The following EPHA6 variants were observed in gnomAD, a reference collection of about 807,000 sequenced individuals.
EPHA6 encodes ephrin type-A receptor 6.
A neutral mutation model predicts 112.0 loss-of-function variants in EPHA6; 50 were observed. The ratio of observed to expected loss-of-function variants is 0.45; its 90% CI spans 0.36 to 0.56. EPHA6 has a LOEUF of 0.56. EPHA6 is among the 20% of genes least tolerant of loss of function. The probability of loss-of-function intolerance (pLI) is 0.00; values close to 1 mark genes in which losing one functional copy is unlikely to be tolerated. For synonymous variants in EPHA6, 529 were observed against 490.7 expected (o/e 1.08, Z -1.03); for missense variants, 1,280 against 1,417.4 (o/e 0.90, Z 1.56).
chr3:97,244,161 GTGATAGTACT>G lies in EPHA6; in HGVS notation c.1484_1493del (p.Ile495ThrfsTer6). On this transcript the variant is annotated frameshift_variant, in exon 5 of 18. Transcript: ENST00000389672. LOFTEE classifies it high-confidence loss of function. ...ACATACAGGCCTGATCAACAATTCC[GTGATAGTACT>G]TGACTTTGTGTCTCACGTGAATTAC... 1 of 1,613,114 alleles carries G rather than the reference GTGATAGTACT, an allele frequency of 6.2e-7. No individual in the cohort carries two copies. The highest frequency in any genetic ancestry group is 8.5e-7 in the Non-Finnish European group (1 of 1,179,368).
chr3:96,872,998 T>G (rs1409076385), intron 2 of EPHA6, among the ~76,000 whole-genome samples: 1 of 152,082 alleles, frequency 6.6e-6, no homozygotes, highest in Non-Finnish European at 1.5e-5. Context: ...CATAAACTGT[T>G]GGGTTTCTGC....
intron 12 of EPHA6, among the ~76,000 whole-genome samples, chr3:97,599,893 C>G (rs1187843521): frequency 6.6e-6 from 1 of 152,132 alleles, no homozygotes; most frequent in African/African-American, 2.4e-5. Flanking sequence ...TTCTTCCTAC[C>G]CATGAGCATG....
chr3:97,653,937 T>A (rs1363626074), intron 14 of EPHA6, among the ~76,000 whole-genome samples: 1 of 151,822 alleles, frequency 6.6e-6, no homozygotes, highest in Non-Finnish European at 1.5e-5. Flanking sequence ...GAATCTAAAA[T>A]AGTCTCATAG....
intron 3 of EPHA6, among the ~76,000 whole-genome samples, chr3:97,179,751 C>T (rs2076936609): frequency 6.6e-6 from 1 of 151,210 alleles, no homozygotes; most frequent in Non-Finnish European, 1.5e-5. Context: ...CTCTCTCTCT[C>T]TCTCTCTCTC....
intron 1 of EPHA6, among the ~76,000 whole-genome samples, chr3:96,830,977 A>G (rs1396181994): frequency 6.6e-6 from 1 of 151,874 alleles, no homozygotes; most frequent in African/African-American, 2.4e-5. Flanking sequence ...TTTTATATGT[A>G]TATATATACA....
At chr3:96,988,402 A>G (rs1405078721) in intron 3 of EPHA6, among the ~76,000 whole-genome samples, 5 of 152,168 alleles carry the variant, frequency 3.3e-5, no homozygotes, top group Non-Finnish European at 5.9e-5. Flanking sequence ...TTTATAAAGG[A>G]AAGCAGCATC....
At chr3:97,687,023 G>A (rs2032302137) in intron 14 of EPHA6, among the ~76,000 whole-genome samples, 1 of 152,156 alleles carries the variant, frequency 6.6e-6, no homozygotes, top group South Asian at 2.1e-4. Flanking sequence ...CACCTGCAAT[G>A]ATTTGTGTGT....
intron 5 of EPHA6, among the ~76,000 whole-genome samples, chr3:97,304,981 A>G (rs545233931): frequency 3.9e-5 from 6 of 152,210 alleles, no homozygotes; most frequent in African/African-American, 9.6e-5. Context: ...AATTTTTGCA[A>G]TCTATCCATC....
chr3:97,640,255 G>GAAGAAGAAAGAAAA (rs2093989080), intron 14 of EPHA6, among the ~76,000 whole-genome samples: 1 of 152,074 alleles, frequency 6.6e-6, no homozygotes, highest in Admixed American at 6.6e-5. Flanking sequence ...TCCAGATGGA[G>GAAGAAGAAAGAAAA]AAGAAGAAAG....
chr3:97,123,857 C>G (rs2048109563), intron 3 of EPHA6, among the ~76,000 whole-genome samples: 1 of 151,870 alleles, frequency 6.6e-6, no homozygotes, highest in East Asian at 1.9e-4. Context: ...GCTTCCTGTT[C>G]CTGAGAGTTG....
At chr3:97,166,498 A>G (rs1296613463) in intron 3 of EPHA6, among the ~76,000 whole-genome samples, 1 of 152,196 alleles carries the variant, frequency 6.6e-6, no homozygotes, top group Non-Finnish European at 1.5e-5. Context: ...TCAAATTAAA[A>G]TAGAAATTAA....
intron 2 of EPHA6, among the ~76,000 whole-genome samples, chr3:96,908,476 A>G (rs919504851): frequency 1.3e-4 from 19 of 151,888 alleles, no homozygotes; most frequent in African/African-American, 4.6e-4. Context: ...TTTATGTCAT[A>G]TACTTCTCAT....
chr3:97,348,559 A>G (rs2083648178), intron 5 of EPHA6, among the ~76,000 whole-genome samples: 1 of 151,972 alleles, frequency 6.6e-6, no homozygotes, highest in Non-Finnish European at 1.5e-5. Context: ...GTAATTTATT[A>G]CTATCATATT....
chr3:97,236,546 G>C (rs1291382971), intron 4 of EPHA6, among the ~76,000 whole-genome samples: 3 of 152,022 alleles, frequency 2.0e-5, no homozygotes, highest in Non-Finnish European at 4.4e-5. Flanking sequence ...ATACACATGG[G>C]TAAATTCTAA....
At chr3:97,041,923 A>G (rs1005476016) in intron 3 of EPHA6, among the ~76,000 whole-genome samples, 8 of 152,066 alleles carry the variant, frequency 5.3e-5, no homozygotes, top group African/African-American at 1.7e-4. Flanking sequence ...CAACACTACA[A>G]ATTACAATTC....
chr3:97,457,442 C>T (rs1405348850), intron 7 of EPHA6, among the ~76,000 whole-genome samples: 1 of 151,520 alleles, frequency 6.6e-6, no homozygotes, highest in African/African-American at 2.4e-5. Context: ...CGTTATTTTT[C>T]AGAGCTGAAA....
chr3:97,230,798 G>T (rs1202733418), intron 4 of EPHA6, among the ~76,000 whole-genome samples: 2 of 152,128 alleles, frequency 1.3e-5, no homozygotes, highest in African/African-American at 4.8e-5. Flanking sequence ...GTTTTGGGTG[G>T]CGGAGCAGTA....
At chr3:97,670,145 T>C (rs1425668326) in intron 14 of EPHA6, among the ~76,000 whole-genome samples, 1 of 152,216 alleles carries the variant, frequency 6.6e-6, no homozygotes, top group African/African-American at 2.4e-5. Context: ...AAGACTGACC[T>C]GACCCATTTG....
chr3:96,943,670 G>C (rs184191304), intron 2 of EPHA6, among the ~76,000 whole-genome samples: 2 of 152,118 alleles, frequency 1.3e-5, no homozygotes, highest in Non-Finnish European at 2.9e-5. Flanking sequence ...ATAATGTAGC[G>C]TTCTTTCACT....
Sources: gnomAD v4.1 joint callset for allele counts (sites outside exome capture counted in the v4.1 genomes callset) on GRCh38, gnomAD v4.1.1 for gene constraint, MANE v1.5 for transcripts, NCBI Gene and HGNC (gene_info 2026-07-23, HGNC 2026-07-21) for gene names.